ZNF148: variants seen among roughly 807,000 people sequenced by gnomAD.
ZNF148 encodes Beta-Enolase Repressor Factor-1.
Under a neutral mutation model 67.7 loss-of-function variants are expected in ZNF148, and 7 were observed. That is an observed-to-expected ratio of 0.10 (90% confidence interval 0.06 to 0.19). The LOEUF is 0.19. ZNF148 is among the 10% of genes least tolerant of loss of function. The pLI, the probability that ZNF148 is intolerant of heterozygous loss-of-function variation, is 1.00. For synonymous variants in ZNF148, 333 were observed against 330.7 expected, an observed-to-expected ratio of 1.01 and a Z score of -0.08; for missense variants, 583 against 947.1, an observed-to-expected ratio of 0.62 and a Z score of 5.05.
At chr3:125,261,821 A>T (rs1458525025) in intron 7 of ZNF148, among the ~76,000 whole-genome samples, 2 of 101,896 alleles carry the variant, frequency 2.0e-5, no homozygotes, top group African/African-American at 8.7e-5. Flanking sequence ...ACAGGGGTTG[A>T]CAAGTTTTTT....
At chr3:125,322,026 G>A (rs1940796888) in intron 3 of ZNF148, among the ~76,000 whole-genome samples, 2 of 102,452 alleles carry the variant, frequency 2.0e-5, no homozygotes, top group Admixed American at 2.2e-4. Context: ...ATAATCAACG[G>A]CTTTTTTTTT....
At chr3:125,363,204 T>A (rs1942597490) in intron 1 of ZNF148, among the ~76,000 whole-genome samples, 2 of 152,244 alleles carry the variant, frequency 1.3e-5, no homozygotes, top group African/African-American at 4.8e-5. Context: ...TTGGAATGCA[T>A]AATGATTTCT....
intron 1 of ZNF148, among the ~76,000 whole-genome samples, chr3:125,337,275 T>A (rs562418764): frequency 6.6e-6 from 1 of 152,188 alleles, no homozygotes; most frequent in African/African-American, 2.4e-5. Context: ...TACAAAAGCA[T>A]TGTTATAAAC....
chr3:125,317,041 C>T (rs765404151), intron 3 of ZNF148, among the ~76,000 whole-genome samples: 11 of 152,104 alleles, frequency 7.2e-5, no homozygotes, highest in Non-Finnish European at 1.3e-4. Flanking sequence ...AGTGGAAATA[C>T]TCCAAATGAA....
chr3:125,232,572 C>A lies in ZNF148; in HGVS notation c.2154G>T (p.Gln718His), dbSNP rs1935902335. ...TCATTTGGTAAGCTTGGTGGACAGG[C>A]TGGGCCTCAGCTTTCTTCTGAGAAG... ...QVTSQKKAEA[Q>H]PVHQAYQMSS... The change falls in exon 9 of 9, where the codon CAG (glutamine) becomes CAT (histidine). Residue 718 changes from glutamine (Q) to histidine (H), a missense_variant. By Grantham distance (24) the Gln-to-His change is conservative (BLOSUM62 0). This residue lies in a region of ZNF148 where 158 missense variants were observed against 208.4 expected (regional missense o/e 0.76). Transcript: ENST00000360647. The surrounding 1 kb of genome is among the most constrained non-coding windows in gnomAD (Gnocchi z 4.2). 2.5e-6 allele frequency: 4 copies of A among 1,613,672 alleles called. No homozygotes were observed. The highest frequency in any genetic ancestry group is 3.4e-6 in the Non-Finnish European group (4 of 1,179,770).
chr3:125,312,052 G>T (rs1186590259), intron 4 of ZNF148, among the ~76,000 whole-genome samples: 1 of 152,180 alleles, frequency 6.6e-6, no homozygotes, highest in Non-Finnish European at 1.5e-5. Context: ...ATCTCTTCCA[G>T]AAGATATAAG....
At chr3:125,322,703 TAC>T (rs981647064) in intron 3 of ZNF148, among the ~76,000 whole-genome samples, 53 of 152,326 alleles carry the variant, frequency 3.5e-4, no homozygotes, top group African/African-American at 1.2e-3. Flanking sequence ...CAAGATAGTT[TAC>T]ACAGACTTTT....
At chr3:125,299,369 T>C (rs1242625608) in intron 4 of ZNF148, among the ~76,000 whole-genome samples, 3 of 152,122 alleles carry the variant, frequency 2.0e-5, no homozygotes, top group African/African-American at 7.2e-5. Context: ...GTTATGTTAT[T>C]AAAGTCAGCT....
chr3:125,268,022 T>G (rs1937573408), intron 7 of ZNF148, among the ~76,000 whole-genome samples: 1 of 151,658 alleles, frequency 6.6e-6, no homozygotes, highest in Admixed American at 6.6e-5. Flanking sequence ...AGGTGAAAGA[T>G]CTCTATAAGA....
intron 1 of ZNF148, among the ~76,000 whole-genome samples, chr3:125,343,540 TA>T (rs1941820507): frequency 6.7e-6 from 1 of 148,554 alleles, no homozygotes; most frequent in Admixed American, 6.7e-5. Flanking sequence ...CAGCGCTCTG[TA>T]AAACACACCA....
intron 7 of ZNF148, among the ~76,000 whole-genome samples, chr3:125,268,177 G>C (rs142643717): frequency 1.4e-5 from 2 of 144,204 alleles, no homozygotes; most frequent in African/African-American, 5.2e-5. Flanking sequence ...CATTCCTATC[G>C]AACTACTAAT....
At position 125,358,310 on chromosome 3, in the gene ZNF148, C is replaced by A. The variant is rs148958879; in HGVS notation, c.-234+16792G>T. 5.8e-3 allele frequency among the ~76,000 whole-genome samples: 882 copies of A among 151,862 alleles called. 7 individuals are homozygous for A. Among genetic ancestry groups the A allele is most frequent in the Middle Eastern group, 0.027 (8 of 294 alleles). ...TCTGGGCAACAGAGCAAGATGCCAT[C>A]TCAAAAAAGAAAAAGAAAAAAAAAA... On this transcript the variant is annotated intron_variant, in intron 1 of 8. Coordinates refer to ENST00000360647, the MANE Select transcript of ZNF148 (RefSeq NM_021964.3).
intron 7 of ZNF148, among the ~76,000 whole-genome samples, chr3:125,276,621 C>T (rs1473707336): frequency 3.3e-5 from 5 of 151,792 alleles, no homozygotes; most frequent in African/African-American, 9.7e-5. Flanking sequence ...TTAGTAGAGA[C>T]GGGGTTTCTT....
intron 2 of ZNF148, 39 bp downstream of exon 2, chr3:125,331,119 G>A (rs1321104784): frequency 2.5e-6 from 1 of 398,270 alleles, no homozygotes; most frequent in African/African-American, 2.1e-5. Flanking sequence ...ATCCATTACA[G>A]GTAAAAATTA....
chr3:125,340,987 CAAAAAAAA>C (rs934719609), intron 1 of ZNF148, among the ~76,000 whole-genome samples: 2 of 12,168 alleles, frequency 1.6e-4, no homozygotes, highest in Admixed American at 9.8e-4. Context: ...GACTCCGGCT[CAAAAAAAA>C]AAAAAAAAAA....
intron 7 of ZNF148, among the ~76,000 whole-genome samples, chr3:125,263,437 G>A (rs754758268): frequency 1.4e-4 from 21 of 152,034 alleles, no homozygotes; most frequent in Non-Finnish European, 2.9e-4. Context: ...TGTAATCCCA[G>A]GTACTCAGGA....
At chr3:125,296,850 T>C (rs1939308986) in intron 4 of ZNF148, among the ~76,000 whole-genome samples, 2 of 151,972 alleles carry the variant, frequency 1.3e-5, no homozygotes, top group African/African-American at 2.4e-5. Flanking sequence ...TAAGGTAAAG[T>C]AATAAATATA....
intron 4 of ZNF148, among the ~76,000 whole-genome samples, chr3:125,297,873 A>T (rs1199663601): frequency 1.3e-5 from 2 of 152,220 alleles, no homozygotes; most frequent in Non-Finnish European, 2.9e-5. Flanking sequence ...GTATATAACC[A>T]ACAGAAATGA....
intron 2 of ZNF148, among the ~76,000 whole-genome samples, chr3:125,326,785 T>A (rs1579812778): frequency 6.8e-6 from 1 of 147,672 alleles, no homozygotes; most frequent in African/African-American, 2.5e-5. Context: ...TTTATATACA[T>A]ACATCAAGAT....
Sources: allele counts gnomAD v4.1 joint callset (sites outside exome capture counted in the v4.1 genomes callset), GRCh38; gene constraint gnomAD v4.1.1; regional missense constraint gnomAD v4.1.1; non-coding constraint Gnocchi (gnomAD v3.1); transcripts MANE v1.5; gene names NCBI Gene and HGNC (gene_info 2026-07-23, HGNC 2026-07-21).